The following DLGAP2 variants were observed in gnomAD, a reference collection of about 807,000 sequenced individuals.
DLGAP2 encodes disks large-associated protein 2.
In DLGAP2, 26 loss-of-function variants were observed where a neutral mutation model predicts 100.3. That is an observed-to-expected ratio of 0.26 (90% CI 0.19 to 0.36). The LOEUF is 0.36. DLGAP2 is among the 10% of genes least tolerant of loss of function. DLGAP2 has a pLI of 1.00. For missense variants in DLGAP2, 1,858 were observed against 1,453.2 expected (o/e 1.28, Z -4.53); for synonymous variants, 886 against 630.1 (o/e 1.41, Z -6.08).
At chr8:1,537,732 A>T (rs780819635) in intron 4 of DLGAP2, among the ~76,000 whole-genome samples, 14 of 15,596 alleles carry the variant, frequency 9.0e-4, no homozygotes, top group South Asian at 7.3e-3. Flanking sequence ...AAAGGATGGA[A>T]GGAAGGAAGG....
chr8:989,583 C>T (rs1359641446), intron 2 of DLGAP2, among the ~76,000 whole-genome samples: 1 of 152,128 alleles, frequency 6.6e-6, no homozygotes, highest in Non-Finnish European at 1.5e-5. Context: ...GCTCTTCCTG[C>T]CCTGGGGTCA....
intron 6 of DLGAP2, among the ~76,000 whole-genome samples, chr8:1,577,916 A>T (rs879350187): frequency 6.6e-6 from 1 of 152,226 alleles, no homozygotes; most frequent in Non-Finnish European, 1.5e-5. Flanking sequence ...CACCAGCGCG[A>T]GTGCTCATAG....
intron 3 of DLGAP2, chr8:1,377,802 G>A (rs572564032): frequency 2.0e-5 from 3 of 152,412 alleles, no homozygotes; most frequent in African/African-American, 4.8e-5. Flanking sequence ...TGTGATGTAA[G>A]AATCCAGCTC....
intron 1 of DLGAP2, among the ~76,000 whole-genome samples, chr8:864,666 C>T (rs1418540406): frequency 6.6e-6 from 1 of 152,128 alleles, no homozygotes; most frequent in African/African-American, 2.4e-5. Flanking sequence ...GGATGACAGT[C>T]ACCGGTGCAC....
chr8:1,575,455 TTTATTATTA>T (rs56350882), intron 6 of DLGAP2, among the ~76,000 whole-genome samples: 67 of 141,202 alleles, frequency 4.7e-4, no homozygotes, highest in East Asian at 1.3e-3. Context: ...GAGGATATTC[TTTATTATTA>T]TTATTATTAT....
chr8:840,885 A>G (rs989991245), intron 1 of DLGAP2, among the ~76,000 whole-genome samples: 3 of 152,210 alleles, frequency 2.0e-5, no homozygotes, highest in South Asian at 4.1e-4. Context: ...AGCTGGATCC[A>G]GAGACTGGAT....
At chr8:1,230,359 T>A (rs1798510420) in intron 2 of DLGAP2, among the ~76,000 whole-genome samples, 1 of 152,062 alleles carries the variant, frequency 6.6e-6, no homozygotes. Context: ...CAATAAATCA[T>A]AGATGGCACA....
chr8:1,232,206 C>G (rs763762669), intron 2 of DLGAP2, among the ~76,000 whole-genome samples: 41 of 152,250 alleles, frequency 2.7e-4, no homozygotes, highest in Admixed American at 5.2e-4. Flanking sequence ...TCACTTTGCA[C>G]ACTTGCCGGG....
At chr8:1,593,718 T>G (rs1306193041) in intron 6 of DLGAP2, among the ~76,000 whole-genome samples, 1 of 152,102 alleles carries the variant, frequency 6.6e-6, no homozygotes, top group East Asian at 1.9e-4. Flanking sequence ...GCCTCTGACC[T>G]GCAAGCATTG....
chr8:1,213,851 C>T (rs927912603), intron 2 of DLGAP2, among the ~76,000 whole-genome samples: 8 of 152,180 alleles, frequency 5.3e-5, no homozygotes, highest in African/African-American at 1.7e-4. Context: ...TCCCTGCTTG[C>T]CTAGAAGATG....
intron 1 of DLGAP2, among the ~76,000 whole-genome samples, chr8:831,510 C>G (rs1369939622): frequency 1.3e-5 from 2 of 152,258 alleles, no homozygotes; most frequent in South Asian, 2.1e-4. Flanking sequence ...ATGATGGTTT[C>G]CAGCTTCATC....
intron 1 of DLGAP2, among the ~76,000 whole-genome samples, chr8:827,310 A>G (rs901838285): frequency 1.3e-5 from 2 of 152,230 alleles, no homozygotes; most frequent in Non-Finnish European, 2.9e-5. Context: ...TTTGTCTTCA[A>G]TGTGAGGATT....
At chr8:1,118,762 C>G (rs1261333167) in intron 2 of DLGAP2, among the ~76,000 whole-genome samples, 1 of 152,134 alleles carries the variant, frequency 6.6e-6, no homozygotes, top group Non-Finnish European at 1.5e-5. Flanking sequence ...GTTTTTGAAT[C>G]TGAACTAAAT....
chr8:842,550 C>G (rs749910001), intron 1 of DLGAP2, among the ~76,000 whole-genome samples: 1 of 152,148 alleles, frequency 6.6e-6, no homozygotes, highest in African/African-American at 2.4e-5. Context: ...GATTTAATTT[C>G]TCTGGTACAT....
chr8:1,489,705 T>C lies in DLGAP2; in HGVS notation c.107-11661T>C, dbSNP rs138894297. Among the ~76,000 whole-genome samples, 39 of 152,334 alleles carry C rather than the reference T, an allele frequency of 2.6e-4. No homozygotes were observed. The East Asian group carries it at 7.5e-3, about 29-fold the overall frequency. On this transcript the variant is annotated intron_variant, in intron 3 of 14. Transcript: ENST00000637795. ...CCATCGCTGTGAGCATCTTGGTTAA[T>C]TGCCAGCAGACATTTTCCAAAGCAA...
At chr8:966,988 G>A (rs773733599) in intron 2 of DLGAP2, among the ~76,000 whole-genome samples, 2 of 152,250 alleles carry the variant, frequency 1.3e-5, no homozygotes, top group African/African-American at 2.4e-5. Context: ...GAGTGGCTGC[G>A]TGACATTGCA....
chr8:903,526 G>A (rs1286791569), intron 1 of DLGAP2, among the ~76,000 whole-genome samples: 2 of 152,156 alleles, frequency 1.3e-5, no homozygotes, highest in African/African-American at 4.8e-5. Context: ...GCAGCTGCCA[G>A]TGTCAGATTA....
At chr8:763,477 C>T (rs770513932) in intron 1 of DLGAP2, among the ~76,000 whole-genome samples, 1 of 152,208 alleles carries the variant, frequency 6.6e-6, no homozygotes, top group Admixed American at 6.5e-5. Flanking sequence ...TCAATGGCAT[C>T]TTGAATGGGA....
At chr8:1,535,248 G>A (rs568128793) in intron 4 of DLGAP2, among the ~76,000 whole-genome samples, 25 of 152,340 alleles carry the variant, frequency 1.6e-4, no homozygotes, top group African/African-American at 6.0e-4. Flanking sequence ...CCTCAGCCCT[G>A]GACAGCTGAA....
Sources: gnomAD v4.1 joint callset for allele counts (sites outside exome capture counted in the v4.1 genomes callset) on GRCh38, gnomAD v4.1.1 for gene constraint, MANE v1.5 for transcripts, NCBI Gene and HGNC (gene_info 2026-07-23, HGNC 2026-07-21) for gene names.